The following ANKS6 variants were observed in gnomAD, a reference collection of about 807,000 sequenced individuals.
The protein encoded by ANKS6 is ankyrin repeat and sterile alpha motif domain containing 6.
In ANKS6, 47 loss-of-function variants were observed where a neutral mutation model predicts 77.9. The observed-to-expected ratio is 0.60, with a 90% CI of 0.48 to 0.77. The LOEUF is 0.77. ANKS6 is among the 30% of genes least tolerant of loss of function. The pLI, the probability that ANKS6 is intolerant of heterozygous loss-of-function variation, is 0.00. For synonymous variants in ANKS6, 488 were observed against 501.7 expected (o/e 0.97, Z 0.37); for missense variants, 1,150 against 1,159.1 (o/e 0.99, Z 0.11).
chr9:98,766,205 C>T lies in ANKS6; in HGVS notation c.2142+1876G>A, dbSNP rs538864457. On this transcript the variant is annotated intron_variant, in intron 11 of 14. Coordinates refer to ENST00000353234, the MANE Select transcript of ANKS6 (RefSeq NM_173551.5). ...TCCCCAGTTTACTGCTTCCTGAATGCATCTTTTGATACAATCTCCTTTCAT... is the reference window on the plus strand; with the variant it reads ...TCCCCAGTTTACTGCTTCCTGAATGTATCTTTTGATACAATCTCCTTTCAT... Among the ~76,000 whole-genome samples the T allele has an allele frequency of 5.2e-4, 79 of 152,302 alleles. 1 individual carries two copies. Among genetic ancestry groups the T allele is most frequent in the African/African-American group, 1.9e-3 (77 of 41,546 alleles).
chr9:98,732,973 A>G lies in ANKS6; in HGVS notation c.*3546T>C. ...AACCTGCCCTTTGAGGCCCCACTCC[A>G]TCTCTCTCCTCTGGGGCGTGCCCAG... On this transcript the variant is annotated 3_prime_UTR_variant, in exon 15 of 15. Coordinates refer to ENST00000353234, the MANE Select transcript of ANKS6 (RefSeq NM_173551.5). The G allele has an allele frequency of 1.9e-6, 2 of 1,027,008 alleles. No homozygotes were observed. The highest frequency in any genetic ancestry group is 1.7e-5 in the African/African-American group (1 of 58,536). 63.6% of individuals were successfully genotyped at this position (1,027,008 alleles called of 1,614,324 possible).
Position 98,768,217 on chromosome 9 carries a change from G to A in ANKS6, c.2006C>T (p.Ala669Val). The change falls in exon 11 of 15, where the codon GCT becomes GTT. Residue 669 changes from alanine to valine, a missense_variant. By Grantham distance (64) the Ala-to-Val change is moderately conservative. Transcript: ENST00000353234. ...TCCGGCTGCTTTTTTCCTCTGGGCA[G>A]CGATTTGGGACAAGACATTGTCTAT... ...GSIDNVLSQI[A>V]AQRKKAAGLL... 6.2e-7 allele frequency: 1 copy of A among 1,614,144 alleles called. No homozygotes were observed. Among genetic ancestry groups the A allele is most frequent in the Non-Finnish European group, 8.5e-7 (1 of 1,180,044 alleles).
At position 98,776,400 on chromosome 9, in the gene ANKS6, C is replaced by CT. The variant is rs11320839; in HGVS notation, c.1617+1004dup. Among the ~76,000 whole-genome samples the CT allele has an allele frequency of 6.3e-4, 87 of 138,828 alleles. 1 individual carries two copies. Among genetic ancestry groups the CT allele is most frequent in the East Asian group, 4.4e-3 (21 of 4,792 alleles). 91.1% of individuals were successfully genotyped at this position (138,828 alleles called of 152,430 possible). On this transcript the variant is annotated intron_variant, in intron 8 of 14. Transcript: ENST00000353234. ...TTAAGCAGAGTAGTTGCCAAAAACCCTTTTTTTTTTTTTTTTTAAAGACAG... is the reference window on the plus strand; with the variant it reads ...TTAAGCAGAGTAGTTGCCAAAAACCCTTTTTTTTTTTTTTTTTTAAAGACAG...
intron 2 of ANKS6, among the ~76,000 whole-genome samples, chr9:98,788,423 C>CTGGG (rs1328531753): frequency 6.8e-6 from 1 of 147,768 alleles, no homozygotes; most frequent in Non-Finnish European, 1.5e-5. Context: ...GGCAGGTGTG[C>CTGGG]TGGGCACGGC....
chr9:98,784,911 A>C, intron 2 of ANKS6, 35 bp from the exon 3 acceptor site: 1 of 1,598,896 alleles, frequency 6.3e-7, no homozygotes, highest in Non-Finnish European at 8.6e-7. Flanking sequence ...TTAACCACGG[A>C]AAGGTTTAAT....
In ANKS6 at chr9:98,734,619, T is replaced by A; in HGVS notation, c.*1900A>T. ...AGGCTTGCAAGCCCACCAGGTCCGGTTCTGACCCCAGATCTGCTCCTTCTG... is the reference window on the plus strand; with the variant it reads ...AGGCTTGCAAGCCCACCAGGTCCGGATCTGACCCCAGATCTGCTCCTTCTG... On this transcript the variant is annotated 3_prime_UTR_variant, in exon 15 of 15. Coordinates refer to ENST00000353234, the MANE Select transcript of ANKS6 (RefSeq NM_173551.5). 1 of 975,178 alleles carries A rather than the reference T, an allele frequency of 1.0e-6. No homozygotes were observed. The highest frequency in any genetic ancestry group is 1.2e-6 in the Non-Finnish European group (1 of 820,670). The allele number at this position is 975,178 out of a possible 1,614,324, so 60.4% of individuals were successfully genotyped here. A position where few individuals can be genotyped will look rare whatever the true frequency, so the allele number is the denominator to read the frequency against.
chr9:98,739,272 T>TA (rs1230451521), intron 14 of ANKS6, among the ~76,000 whole-genome samples: 3 of 151,984 alleles, frequency 2.0e-5, no homozygotes, highest in African/African-American at 7.2e-5. Context: ...TCTATGGAAA[T>TA]AAAAAATTAA....
Position 98,773,887 on chromosome 9 carries a change from C to T in ANKS6, c.1811G>A (p.Gly604Asp). 6.4e-7 allele frequency: 1 copy of T among 1,557,158 alleles called. No homozygotes were observed. The change falls in exon 9 of 15, where the codon GGC becomes GAC. Residue 604 changes from glycine (G) to aspartate (D), a missense_variant. By Grantham distance (94) the Gly-to-Asp change is moderately conservative. Transcript: ENST00000353234. ...ASRGHPVGGG[G>D]TDTTPVRPVK... ...CAGAAGACAACTTACAGTGTCTGTG[C>T]CCCCGCCGCCCACGGGGTGGCCCCT...
At chr9:98,744,275 G>A (rs1831998422) in intron 14 of ANKS6, among the ~76,000 whole-genome samples, 1 of 152,222 alleles carries the variant, frequency 6.6e-6, no homozygotes, top group African/African-American at 2.4e-5. Context: ...TAATAAGAAT[G>A]ACGACAGTGA....
Position 98,735,057 on chromosome 9 carries a change from A to G in ANKS6, c.*1462T>C, listed in dbSNP as rs1420452034. The G allele has an allele frequency of 1.0e-6, 1 of 985,174 alleles. No individual in the cohort carries two copies. Among genetic ancestry groups the G allele is most frequent in the Non-Finnish European group, 1.2e-6 (1 of 829,888 alleles). The allele number at this position is 985,174 out of a possible 1,614,324, so 61.0% of individuals were successfully genotyped here. On this transcript the variant is annotated 3_prime_UTR_variant, in exon 15 of 15. Coordinates refer to ENST00000353234, the MANE Select transcript of ANKS6 (RefSeq NM_173551.5). ...GGGGGAGGGACAGATGAGAGATGGC[A>G]CCTCCCAAGGAGACCAACTTGTGGC...
rs117384708 is a variant in ANKS6, at chr9:98,741,474, G to T, written c.2511+4085C>A. On this transcript the variant is annotated intron_variant, in intron 14 of 14. Coordinates refer to ENST00000353234, the MANE Select transcript of ANKS6 (RefSeq NM_173551.5). ...GACACAAAACACTGCAGAGTAATCT[G>T]CCCAAAGGTGAACAATGTTGGCCTC... Among the ~76,000 whole-genome samples the T allele has an allele frequency of 4.9e-3, 752 of 152,306 alleles. 6 individuals carry two copies. Among genetic ancestry groups the T allele is most frequent in the South Asian group, 0.022 (107 of 4,822 alleles).
At position 98,734,616 on chromosome 9, in the gene ANKS6, C is replaced by T. The variant is rs1831387230; in HGVS notation, c.*1903G>A. 1.5e-5 allele frequency: 15 copies of T among 975,682 alleles called. No individual in the cohort carries two copies. Among genetic ancestry groups the T allele is most frequent in the Middle Eastern group, 1.0e-3 (2 of 1,916 alleles). The allele number at this position is 975,682 out of a possible 1,614,324, so 60.4% of individuals were successfully genotyped here. On this transcript the variant is annotated 3_prime_UTR_variant, in exon 15 of 15. Coordinates refer to ENST00000353234, the MANE Select transcript of ANKS6 (RefSeq NM_173551.5). ...CACAGGCTTGCAAGCCCACCAGGTCCGGTTCTGACCCCAGATCTGCTCCTT... is the reference window on the plus strand; with the variant it reads ...CACAGGCTTGCAAGCCCACCAGGTCTGGTTCTGACCCCAGATCTGCTCCTT...
intron 4 of ANKS6, 59 bp from the exon 5 acceptor site, chr9:98,782,632 G>A (rs1564217760): frequency 7.2e-7 from 1 of 1,382,246 alleles, no homozygotes. Context: ...TTGCTCCTGG[G>A]CAACAAAACC....
chr9:98,735,307 G>A lies in ANKS6; in HGVS notation c.*1212C>T, dbSNP rs534445795. 10 of 1,005,238 alleles carry A rather than the reference G, an allele frequency of 9.9e-6. No homozygotes were observed. The African/African-American group carries it at 1.2e-4, about 12-fold the overall frequency. The allele number at this position is 1,005,238 out of a possible 1,614,324, so 62.3% of individuals were successfully genotyped here. On this transcript the variant is annotated 3_prime_UTR_variant, in exon 15 of 15. Transcript: ENST00000353234. ...ATTTACAGGTGTTCTCTTGCCTGTC[G>A]AGAGCCTGAAGGCTCTGTATTGTGT... is the stretch of plus-strand genomic sequence containing the variant.
intron 13 of ANKS6, among the ~76,000 whole-genome samples, chr9:98,750,381 T>C (rs1304621753): frequency 6.6e-6 from 1 of 152,210 alleles, no homozygotes; most frequent in Non-Finnish European, 1.5e-5. Context: ...CCAAATAACA[T>C]TCCATGGCAC....
rs1399064533 is a variant in ANKS6 at position 98,784,821 on chromosome 9, A to G, written c.907+11T>C. On this transcript the variant is annotated intron_variant, in intron 3 of 14. Coordinates refer to ENST00000353234, the MANE Select transcript of ANKS6 (RefSeq NM_173551.5). ...TCTTAAATATCCAAAAAGATTTTCT[A>G]AAGCGCTTACCCATTTTCAATGCAT... The G allele has an allele frequency of 1.9e-6, 3 of 1,610,654 alleles. No homozygotes were observed. The highest frequency in any genetic ancestry group is 8.5e-7 in the Non-Finnish European group (1 of 1,178,236).
chr9:98,767,576 G>C (rs188109447), intron 11 of ANKS6, among the ~76,000 whole-genome samples: 1 of 152,214 alleles, frequency 6.6e-6, no homozygotes, highest in Admixed American at 6.5e-5. Flanking sequence ...GCCAGGCACA[G>C]AGCAGATGCT....
At position 98,733,379 on chromosome 9, in the gene ANKS6, C is replaced by T. The variant is rs1400518666; in HGVS notation, c.*3140G>A. 2.0e-6 allele frequency: 2 copies of T among 985,352 alleles called. No individual in the cohort carries two copies. The highest frequency in any genetic ancestry group is 2.4e-6 in the Non-Finnish European group (2 of 829,992). 61.0% of individuals were successfully genotyped at this position (985,352 alleles called of 1,614,324 possible). A position where few individuals can be genotyped will look rare whatever the true frequency, so the allele number is the denominator to read the frequency against. ...CTGGGAAACAATGCCCTCCACCCTGCAGGAGAGCTCAGGGTGGAGCCTCAG... is the reference window on the plus strand; with the variant it reads ...CTGGGAAACAATGCCCTCCACCCTGTAGGAGAGCTCAGGGTGGAGCCTCAG... On this transcript the variant is annotated 3_prime_UTR_variant, in exon 15 of 15. Coordinates refer to ENST00000353234, the MANE Select transcript of ANKS6 (RefSeq NM_173551.5).
chr9:98,775,286 A>G (rs544137615), intron 8 of ANKS6, among the ~76,000 whole-genome samples: 6 of 152,344 alleles, frequency 3.9e-5, no homozygotes, highest in African/African-American at 1.4e-4. Flanking sequence ...CATCCTGAGC[A>G]AATAATCAGG....
Sources: allele counts gnomAD v4.1 joint callset (sites outside exome capture counted in the v4.1 genomes callset), GRCh38; gene constraint gnomAD v4.1.1; transcripts MANE v1.5; gene names NCBI Gene and HGNC (gene_info 2026-07-23, HGNC 2026-07-21).